OCA2: variants seen among roughly 807,000 people sequenced by gnomAD.
The protein encoded by OCA2 is P protein.
In OCA2, 77 loss-of-function variants were observed where a neutral mutation model predicts 100.2. That is an observed-to-expected ratio of 0.77 (90% CI 0.64 to 0.93). OCA2 has a LOEUF of 0.93. OCA2 is among the 40% of genes least tolerant of loss of function. The pLI is 0.00. For missense variants in OCA2, 1,062 were observed against 1,089.1 expected (o/e 0.98, Z 0.35); for synonymous variants, 432 against 439.2 (o/e 0.98, Z 0.21).
chr15:27,955,109 CTT>C (rs2040175553), intron 17 of OCA2, 47 bp downstream of exon 17: 2 of 1,338,912 alleles, frequency 1.5e-6, no homozygotes, highest in Non-Finnish European at 2.2e-6. Context: ...CACTCACTCT[CTT>C]CTTGGAGAAG....
chr15:27,744,286 G>A, the OCA2 span, among the ~76,000 whole-genome samples: 225 of 152,250 alleles, frequency 1.5e-3, 6 homozygotes, highest in South Asian at 0.043. Flanking sequence ...AAAATCATGC[G>A]GGAAAAGAGC....
At chr15:28,048,825 G>A (rs564197587) in intron 2 of OCA2, among the ~76,000 whole-genome samples, 1 of 152,228 alleles carries the variant, frequency 6.6e-6, no homozygotes, top group Admixed American at 6.5e-5. Context: ...GGGCAACATG[G>A]TGAAACCCTG....
chr15:27,958,168 T>C (rs1004548200), intron 15 of OCA2, among the ~76,000 whole-genome samples: 5 of 152,196 alleles, frequency 3.3e-5, no homozygotes, highest in African/African-American at 1.2e-4. Context: ...ACCTGCACGT[T>C]GTGCACATGT....
chr15:27,727,855 G>T, the OCA2 span, among the ~76,000 whole-genome samples: 2 of 152,298 alleles, frequency 1.3e-5, no homozygotes, highest in Admixed American at 1.3e-4. Flanking sequence ...AACGGAGAGT[G>T]TCCTCCCCAA....
the OCA2 span, among the ~76,000 whole-genome samples, chr15:27,722,806 C>CG: frequency 0.023 from 3,259 of 140,358 alleles, 116 homozygotes; most frequent in African/African-American, 0.085. Context: ...CTCTCTTTCT[C>CG]TCTCTCTTTC....
In OCA2 at chr15:27,957,572, G is replaced by A; in HGVS notation, c.1784+16C>T. The A allele has an allele frequency of 1.2e-6, 2 of 1,611,892 alleles. No individual in the cohort carries two copies. The highest frequency in any genetic ancestry group is 8.5e-7 in the Non-Finnish European group (1 of 1,179,812). On this transcript the variant is annotated intron_variant, in intron 16 of 23. Coordinates refer to ENST00000354638, the MANE Select transcript of OCA2 (RefSeq NM_000275.3). The surrounding 1 kb of genome is among the most constrained non-coding windows in gnomAD (Gnocchi z 4.3). The stretch of plus-strand genomic sequence containing the variant: ...CTGCACACCAAGCACAGTCTGAGCA[G>A]GACCCCGCCCGGTACCTGTGGAAGG...
rs1374558186 is a variant in OCA2 at position 27,926,127 on chromosome 15, C to T, written c.2079G>A (p.Glu693=). 8 of 1,613,894 alleles carry T rather than the reference C, an allele frequency of 5.0e-6. No homozygotes were observed. In the African/African-American group the frequency reaches 1.1e-4, roughly 22 times the overall value. Residue 693 remains glutamate, a splice_region_variant and synonymous_variant, in exon 19 of 24, where the codon GAG becomes GAA. Coordinates refer to ENST00000354638, the MANE Select transcript of OCA2 (RefSeq NM_000275.3). ...LFFAALFVLM[E]ALAHLHLIEY... ...TATGGCAAAAGTTCTAAAATCTTACCTCCATCAGAACAAAGAGCGCTGCAA... is the reference window on the plus strand; with the variant it reads ...TATGGCAAAAGTTCTAAAATCTTACTTCCATCAGAACAAAGAGCGCTGCAA...
At chr15:28,041,785 CAT>C (rs2043208478) in intron 2 of OCA2, among the ~76,000 whole-genome samples, 3 of 152,170 alleles carry the variant, frequency 2.0e-5, no homozygotes, top group Middle Eastern at 3.4e-3. Context: ...ATCTTAGAAA[CAT>C]AATGTTGCAT....
In OCA2 at chr15:28,024,088, G is replaced by A. The variant is rs568951328; in HGVS notation, c.573+757C>T. On this transcript the variant is annotated intron_variant, in intron 5 of 23. Coordinates refer to ENST00000354638, the MANE Select transcript of OCA2 (RefSeq NM_000275.3). ...GCCACAAAGCACACCAAGGCTGGCA[G>A]TGGGACCTGTGACTGTCGCCTCGGA... is the stretch of plus-strand genomic sequence containing the variant. Among the ~76,000 whole-genome samples, 2 of 152,310 alleles carry A rather than the reference G, an allele frequency of 1.3e-5. 1 individual carries two copies. Among genetic ancestry groups the A allele is most frequent in the African/African-American group, 4.8e-5 (2 of 41,560 alleles).
At chr15:27,972,804 T>G (rs1443658798) in intron 14 of OCA2, among the ~76,000 whole-genome samples, 1 of 151,414 alleles carries the variant, frequency 6.6e-6, no homozygotes, top group Non-Finnish European at 1.5e-5. Flanking sequence ...CTGTAGGTTT[T>G]CTGTTTACTT....
At chr15:27,988,845 C>G (rs1567198873) in intron 11 of OCA2, among the ~76,000 whole-genome samples, 1 of 152,162 alleles carries the variant, frequency 6.6e-6, no homozygotes, top group East Asian at 1.9e-4. Context: ...GCGCACCACC[C>G]ACAGAGGATG....
chr15:27,980,066 C>T (rs1413562059), intron 14 of OCA2, among the ~76,000 whole-genome samples: 2 of 151,674 alleles, frequency 1.3e-5, no homozygotes, highest in African/African-American at 2.4e-5. Context: ...TTGTTGTCAT[C>T]AATTCTACTT....
intron 17 of OCA2, among the ~76,000 whole-genome samples, chr15:27,952,914 C>T (rs575578393): frequency 1.3e-5 from 2 of 152,184 alleles, no homozygotes; most frequent in African/African-American, 4.8e-5. Context: ...AACTCCTGGG[C>T]TCAAGCAATG....
intron 18 of OCA2, among the ~76,000 whole-genome samples, chr15:27,947,294 T>A (rs574864224): frequency 1.3e-5 from 2 of 152,372 alleles, no homozygotes; most frequent in African/African-American, 4.8e-5. Context: ...AAGGGTCTCA[T>A]GCAGGCACTG....
chr15:28,026,711 A>G (rs1162676412), intron 4 of OCA2, among the ~76,000 whole-genome samples: 1 of 152,134 alleles, frequency 6.6e-6, no homozygotes, highest in Non-Finnish European at 1.5e-5. Flanking sequence ...GCGGATCCCT[A>G]CGCACCTCAG....
intron 22 of OCA2, among the ~76,000 whole-genome samples, chr15:27,850,949 C>A (rs2035725713): frequency 6.6e-6 from 1 of 152,190 alleles, no homozygotes; most frequent in Non-Finnish European, 1.5e-5. Context: ...GCAATGCCCA[C>A]CCCAAAAACA....
At chr15:27,756,677 A>G (rs2030396632) in intron 23 of OCA2, among the ~76,000 whole-genome samples, 1 of 152,218 alleles carries the variant, frequency 6.6e-6, no homozygotes, top group South Asian at 2.1e-4. Context: ...GCAAGCCTTC[A>G]TGGAAGCACA....
intron 19 of OCA2, among the ~76,000 whole-genome samples, chr15:27,873,308 T>C (rs1450987829): frequency 6.6e-6 from 1 of 152,182 alleles, no homozygotes; most frequent in Non-Finnish European, 1.5e-5. Flanking sequence ...GCCAAAGATG[T>C]CTCCAGACAC....
chr15:27,899,969 C>G (rs948680051), intron 19 of OCA2, among the ~76,000 whole-genome samples: 12 of 152,018 alleles, frequency 7.9e-5, no homozygotes, highest in Admixed American at 4.6e-4. Context: ...AGTGGATTTG[C>G]GGGTCCTAAT....
Sources: allele counts gnomAD v4.1 joint callset (sites outside exome capture counted in the v4.1 genomes callset), GRCh38; gene constraint gnomAD v4.1.1; non-coding constraint Gnocchi (gnomAD v3.1); transcripts MANE v1.5; gene names NCBI Gene and HGNC (gene_info 2026-07-23, HGNC 2026-07-21).